FAT3: variants seen among roughly 807,000 people sequenced by gnomAD.
FAT3 encodes the protein protocadherin Fat 3.
FAT3 carries 95 observed loss-of-function variants against 310.2 expected under a neutral mutation model. That is an observed-to-expected ratio of 0.31 (90% CI 0.26 to 0.36). FAT3 has a LOEUF of 0.36. Ranked by LOEUF, FAT3 falls within the 10% of genes least tolerant of loss-of-function variation. The pLI, the probability that FAT3 is intolerant of heterozygous loss-of-function variation, is 1.00. For missense variants in FAT3, 5,408 were observed against 5,715.6 expected, an observed-to-expected ratio of 0.95 and a Z score of 1.74; for synonymous variants, 2,314 against 2,192.9, an observed-to-expected ratio of 1.06 and a Z score of -1.54.
chr11:92,800,509 G>C lies in FAT3; in HGVS notation c.7496G>C (p.Ser2499Thr). ...ANLYSPAFSQ[S>T]TYVAEVRENV... ...TTGTACAGCCCTGCCTTTTCACAAA[G>C]CACATACGTAGCTGAGGTGAGAGAG... The change falls in exon 10 of 28, where the codon AGC becomes ACC. Residue 2499 changes from serine to threonine, a missense_variant. By Grantham distance (58) the Ser-to-Thr change is moderately conservative. Around this residue, in one of 5 missense-constraint regions of FAT3, gnomAD observed 4,588 missense variants for 4,809.8 expected, o/e 0.95. Transcript: ENST00000525166. 2 of 1,613,942 alleles carry C rather than the reference G, an allele frequency of 1.2e-6. No individual in the cohort carries two copies. The highest frequency in any genetic ancestry group is 1.1e-5 in the South Asian group (1 of 91,070).
intron 2 of FAT3, among the ~76,000 whole-genome samples, chr11:92,465,457 T>G (rs1168092623): frequency 1.3e-5 from 2 of 152,164 alleles, no homozygotes; most frequent in Non-Finnish European, 2.9e-5. Context: ...CCACATCCTC[T>G]CCAGCACCTG....
intron 15 of FAT3, among the ~76,000 whole-genome samples, chr11:92,836,183 T>C (rs1243820165): frequency 6.6e-6 from 1 of 152,166 alleles, no homozygotes; most frequent in African/African-American, 2.4e-5. Context: ...AACATGGAAA[T>C]GCATAGGCCT....
At chr11:92,785,990 G>T (rs1184589022) in intron 7 of FAT3, among the ~76,000 whole-genome samples, 5 of 152,068 alleles carry the variant, frequency 3.3e-5, no homozygotes, top group Non-Finnish European at 1.5e-5. Context: ...ATAAACCAAT[G>T]GAACAGAATA....
rs1309431717 is a variant in FAT3, at chr11:92,895,090, A to G, written c.*3977A>G. On this transcript the variant is annotated 3_prime_UTR_variant, in exon 28 of 28. Transcript: ENST00000525166. ...AGTGTTCATTTTGCATGGATTGTCC[A>G]GATAATTGGCTCTTCACTCCGCTGC... The G allele has an allele frequency of 6.6e-6, 1 of 152,254 alleles. No homozygotes were observed. The highest frequency in any genetic ancestry group is 1.5e-5 in the Non-Finnish European group (1 of 68,044). 9.4% of individuals were successfully genotyped at this position (152,254 alleles called of 1,614,324 possible).
intron 1 of FAT3, among the ~76,000 whole-genome samples, chr11:92,321,521 A>G (rs1230944019): frequency 6.6e-6 from 1 of 152,190 alleles, no homozygotes; most frequent in African/African-American, 2.4e-5. Context: ...ACAGTGGCAT[A>G]ATTAAGATGA....
At chr11:92,271,324 A>G (rs1429122564) in intron 1 of FAT3, among the ~76,000 whole-genome samples, 3 of 151,772 alleles carry the variant, frequency 2.0e-5, no homozygotes, top group South Asian at 2.1e-4. Flanking sequence ...ACCCTCCCCA[A>G]TATCCCTATG....
chr11:92,534,352 C>T (rs1180081573), intron 3 of FAT3, among the ~76,000 whole-genome samples: 2 of 152,192 alleles, frequency 1.3e-5, no homozygotes, highest in South Asian at 2.1e-4. Context: ...TGGTCAGTGC[C>T]GAGCTAGGAT....
intron 1 of FAT3, among the ~76,000 whole-genome samples, chr11:92,281,781 G>T (rs1054024773): frequency 6.6e-6 from 1 of 152,138 alleles, no homozygotes; most frequent in Non-Finnish European, 1.5e-5. Flanking sequence ...GATTTCAGTG[G>T]AACCTGGGAG....
At chr11:92,446,780 T>G (rs1208542669) in intron 2 of FAT3, among the ~76,000 whole-genome samples, 1 of 152,218 alleles carries the variant, frequency 6.6e-6, no homozygotes, top group African/African-American at 2.4e-5. Context: ...GTTTTTGACC[T>G]GTTGGTGTCT....
chr11:92,248,133 T>C (rs946798975), intron 1 of FAT3, among the ~76,000 whole-genome samples: 7 of 152,170 alleles, frequency 4.6e-5, no homozygotes, highest in Non-Finnish European at 8.8e-5. Context: ...TGCCCTCATC[T>C]TTCCTTTTTC....
In FAT3 at chr11:92,890,421, C is replaced by T. The variant is rs553526682; in HGVS notation, c.13148-70C>T. Reference sequence around the variant, plus strand: ...AAAAATTGCATGTCAGGTCCCTTCCCTGCTCCTTTCCCAGCAAAGCACCAA... The same window carrying T: ...AAAAATTGCATGTCAGGTCCCTTCCTTGCTCCTTTCCCAGCAAAGCACCAA... On this transcript the variant is annotated intron_variant, in intron 27 of 27. Transcript: ENST00000525166. 60 of 1,527,374 alleles carry T rather than the reference C, an allele frequency of 3.9e-5. No homozygotes were observed. In the African/African-American group the frequency reaches 7.9e-4, roughly 20 times the overall value. 94.6% of individuals were successfully genotyped at this position (1,527,374 alleles called of 1,614,324 possible). A position where few individuals can be genotyped will look rare whatever the true frequency, so the allele number is the denominator to read the frequency against.
intron 2 of FAT3, among the ~76,000 whole-genome samples, chr11:92,418,428 A>ACCCCC (rs370658531): frequency 6.4e-5 from 4 of 62,374 alleles, no homozygotes; most frequent in Non-Finnish European, 1.1e-4. Flanking sequence ...CACCCCCCCC[A>ACCCCC]CCCCCCCACA....
intron 1 of FAT3, among the ~76,000 whole-genome samples, chr11:92,328,312 C>A (rs1008516228): frequency 6.6e-6 from 1 of 152,154 alleles, no homozygotes; most frequent in Non-Finnish European, 1.5e-5. Context: ...TGCTATACTT[C>A]AGGGATATTT....
Position 92,761,741 on chromosome 11 carries a change from A to G in FAT3, c.3670-115A>G. 9.5e-6 allele frequency: 9 copies of G among 944,008 alleles called. 1 individual carries two copies. In the South Asian group the frequency reaches 1.2e-4, roughly 13 times the overall value. 58.5% of individuals were successfully genotyped at this position (944,008 alleles called of 1,614,324 possible). A position where few individuals can be genotyped will look rare whatever the true frequency, so the allele number is the denominator to read the frequency against. The stretch of plus-strand genomic sequence containing the variant: ...GAAAAAAGAGAAGAAAATGAATACT[A>G]AAAGAATTTGGATAGGATAGCATTG... On this transcript the variant is annotated intron_variant, in intron 4 of 27. Transcript: ENST00000525166.
intron 2 of FAT3, among the ~76,000 whole-genome samples, chr11:92,519,675 CA>C (rs903896828): frequency 2.3e-4 from 35 of 152,132 alleles, no homozygotes; most frequent in Admixed American, 1.4e-3. Context: ...TTCAAGAAAA[CA>C]ACCCAAATTT....
At chr11:92,658,962 A>G (rs956817301) in intron 3 of FAT3, among the ~76,000 whole-genome samples, 4 of 152,012 alleles carry the variant, frequency 2.6e-5, no homozygotes, top group Non-Finnish European at 5.9e-5. Flanking sequence ...CAATATCAAC[A>G]TCAACATTGC....
chr11:92,730,886 A>G (rs930548606), intron 4 of FAT3, among the ~76,000 whole-genome samples: 26 of 152,060 alleles, frequency 1.7e-4, no homozygotes, highest in African/African-American at 6.3e-4. Context: ...TGCCTTTATC[A>G]TAGGTCTTCT....
At chr11:92,248,685 G>A (rs1865023217) in intron 1 of FAT3, among the ~76,000 whole-genome samples, 1 of 152,042 alleles carries the variant, frequency 6.6e-6, no homozygotes, top group South Asian at 2.1e-4. Context: ...AGAGAAAGAA[G>A]CAATTGATGG....
rs575803296 is a variant in FAT3, at chr11:92,765,201, A to G, written c.4195+112A>G. The G allele has an allele frequency of 7.9e-5, 75 of 943,524 alleles. No individual in the cohort carries two copies. In the South Asian group the frequency reaches 1.2e-3, roughly 15 times the overall value. 58.4% of individuals were successfully genotyped at this position (943,524 alleles called of 1,614,324 possible). ...AAAACTAACAATTAGTGCCAAGATT[A>G]AAAGATGTATAGTGCTGGAATGCAA... On this transcript the variant is annotated intron_variant, in intron 6 of 27. Transcript: ENST00000525166.
Sources: gnomAD v4.1 joint callset for allele counts (sites outside exome capture counted in the v4.1 genomes callset) on GRCh38, gnomAD v4.1.1 for gene constraint, gnomAD v4.1.1 regional missense constraint, MANE v1.5 for transcripts, NCBI Gene and HGNC (gene_info 2026-07-23, HGNC 2026-07-21) for gene names.